The following GBE1 variants were observed in gnomAD, a reference collection of about 807,000 sequenced individuals.
GBE1 encodes 1,4-alpha-glucan-branching enzyme.
Under a neutral mutation model 88.8 loss-of-function variants are expected in GBE1, and 70 were observed. The ratio of observed to expected loss-of-function variants is 0.79; its 90% CI spans 0.65 to 0.96. The LOEUF is 0.96. Among genes scored for constraint, GBE1 ranks in the 40% least tolerant of loss-of-function variants. The pLI, the probability that GBE1 is intolerant of heterozygous loss-of-function variation, is 0.00. For synonymous variants in GBE1, 284 were observed against 300.1 expected, an observed-to-expected ratio of 0.95 and a Z score of 0.56; for missense variants, 872 against 871.0, an observed-to-expected ratio of 1.00 and a Z score of -0.01.
At chr3:81,752,264 A>G (rs1300313573) in intron 1 of GBE1, among the ~76,000 whole-genome samples, 2 of 152,200 alleles carry the variant, frequency 1.3e-5, no homozygotes, top group African/African-American at 2.4e-5. Flanking sequence ...TGCACATATC[A>G]TATGTTCAGA....
At chr3:81,611,628 C>A (rs1704184216) in intron 7 of GBE1, among the ~76,000 whole-genome samples, 1 of 152,072 alleles carries the variant, frequency 6.6e-6, no homozygotes. Context: ...TTCTGAAGAC[C>A]TTCAAGGGAA....
At chr3:81,590,036 T>A (rs1397549181) in intron 9 of GBE1, among the ~76,000 whole-genome samples, 1 of 152,038 alleles carries the variant, frequency 6.6e-6, no homozygotes, top group Non-Finnish European at 1.5e-5. Context: ...AATTTAGGGC[T>A]ACTGCTTTAT....
chr3:81,668,109 C>T (rs1447189388), intron 3 of GBE1, among the ~76,000 whole-genome samples: 1 of 152,140 alleles, frequency 6.6e-6, no homozygotes, highest in Non-Finnish European at 1.5e-5. Context: ...TCTCAGCAAA[C>T]TAACACAGGA....
chr3:81,698,779 G>C (rs1260230279), intron 2 of GBE1, among the ~76,000 whole-genome samples: 2 of 152,128 alleles, frequency 1.3e-5, no homozygotes, highest in Non-Finnish European at 2.9e-5. Context: ...GAATCAGTCA[G>C]CGGCATTTAC....
intron 12 of GBE1, among the ~76,000 whole-genome samples, chr3:81,556,294 A>G (rs1397667475): frequency 6.6e-6 from 1 of 152,100 alleles, no homozygotes. Flanking sequence ...AGCTATTCAT[A>G]GATAAATGAA....
At chr3:81,753,743 G>C (rs1343841553) in intron 1 of GBE1, among the ~76,000 whole-genome samples, 1 of 152,178 alleles carries the variant, frequency 6.6e-6, no homozygotes, top group Non-Finnish European at 1.5e-5. Flanking sequence ...AGTTAGTAAA[G>C]ATCTCAGCTG....
chr3:81,676,803 A>C (rs1470462935), intron 2 of GBE1, among the ~76,000 whole-genome samples: 2 of 152,170 alleles, frequency 1.3e-5, no homozygotes, highest in African/African-American at 4.8e-5. Context: ...ATATCTGATA[A>C]GGCATAAGAT....
intron 7 of GBE1, among the ~76,000 whole-genome samples, chr3:81,606,014 A>T (rs542091963): frequency 6.6e-6 from 1 of 152,306 alleles, no homozygotes; most frequent in East Asian, 1.9e-4. Context: ...ACTACTACAT[A>T]TATCTGCTTC....
At chr3:81,592,188 C>G (rs1181781148) in intron 8 of GBE1, among the ~76,000 whole-genome samples, 1 of 151,988 alleles carries the variant, frequency 6.6e-6, no homozygotes. Flanking sequence ...AAAGTTGGCT[C>G]TCATCAAATA....
rs770899411 is a variant in GBE1 at position 81,581,304 on chromosome 3, T to A, written c.1336-29A>T. The stretch of plus-strand genomic sequence containing the variant: ...GACACAAGAGAGAAAAATAAGCTTC[T>A]GAGTAAAGCATTATTTTTCTTATTT... On this transcript the variant is annotated intron_variant, in intron 10 of 15. Coordinates refer to ENST00000429644, the MANE Select transcript of GBE1 (RefSeq NM_000158.4). 5 of 1,198,050 alleles carry A rather than the reference T, an allele frequency of 4.2e-6. No individual in the cohort carries two copies. The South Asian group carries it at 7.2e-5, about 17-fold the overall frequency. The allele number at this position is 1,198,050 out of a possible 1,614,324, so 74.2% of individuals were successfully genotyped here.
At position 81,525,184 on chromosome 3, in the gene GBE1, GT is replaced by G. The variant is rs1216008017; in HGVS notation, c.1934+10010del. On this transcript the variant is annotated intron_variant, in intron 14 of 15. Transcript: ENST00000429644. The stretch of plus-strand genomic sequence containing the variant: ...GATTTCCTTTGTGGCCTAACATATG[GT>G]CTATTTTTAAGAATGTTCCATCAAT... Among the ~76,000 whole-genome samples the G allele has an allele frequency of 6.6e-5, 10 of 151,684 alleles. No individual in the cohort carries two copies. In the East Asian group the frequency reaches 1.9e-3, roughly 30 times the overall value.
At position 81,646,441 on chromosome 3, in the gene GBE1, A is replaced by C; in HGVS notation, c.733T>G (p.Tyr245Asp). The change falls in exon 6 of 16, where the codon TAC becomes GAC. Residue 245 changes from tyrosine to aspartate, a missense_variant. Coordinates refer to ENST00000429644, the MANE Select transcript of GBE1 (RefSeq NM_000158.4). ...ATTTGGTAACCAAAGCTGGCATAGT[A>C]AGCATGCTCCATGATTGCCATCAAC... ...IQLMAIMEHA[Y>D]YASFGYQITS... 2.5e-6 allele frequency: 4 copies of C among 1,606,122 alleles called. No homozygotes were observed. The highest frequency in any genetic ancestry group is 3.4e-6 in the Non-Finnish European group (4 of 1,176,236).
At position 81,581,166 on chromosome 3, in the gene GBE1, T is replaced by C; in HGVS notation, c.1445A>G (p.Gln482Arg). 6.3e-7 allele frequency: 1 copy of C among 1,583,058 alleles called. No homozygotes were observed. The highest frequency in any genetic ancestry group is 8.7e-7 in the Non-Finnish European group (1 of 1,154,888). The stretch of plus-strand genomic sequence containing the variant: ...GAATTTATGCACATATTCATTTACC[T>C]GATCATGGCTCTCTGCATAAGCAAT... ...KCIAYAESHD[Q>R]ALVGDKSLAF... The change falls in exon 11 of 16, where the codon CAG becomes CGG. Residue 482 changes from glutamine (Q) to arginine (R), a missense_variant and splice_region_variant. Gln to Arg is a conservative substitution (Grantham distance 43, BLOSUM62 1). Transcript: ENST00000429644.
In GBE1 at chr3:81,733,038, A is replaced by T. The variant is rs1043205583; in HGVS notation, c.144-27425T>A. Among the ~76,000 whole-genome samples the T allele has an allele frequency of 9.9e-5, 15 of 152,172 alleles. No individual in the cohort carries two copies. Among genetic ancestry groups the T allele is most frequent in the African/African-American group, 3.6e-4 (15 of 41,460 alleles). ...CATGGCCTGTTAGGAATTGTGTCGCACAGCAGGAGGTGAATGGCAAAAATA... is the reference window on the plus strand; with the variant it reads ...CATGGCCTGTTAGGAATTGTGTCGCTCAGCAGGAGGTGAATGGCAAAAATA... On this transcript the variant is annotated intron_variant, in intron 1 of 15. Transcript: ENST00000429644. The surrounding 1 kb of genome is among the most constrained non-coding windows in gnomAD (Gnocchi z 4.0).
At chr3:81,693,654 A>G (rs149936469) in intron 2 of GBE1, among the ~76,000 whole-genome samples, 248 of 152,312 alleles carry the variant, frequency 1.6e-3, no homozygotes, top group Middle Eastern at 6.8e-3. Flanking sequence ...AAGCAGGGGT[A>G]GATGAGAAAG....
At chr3:81,555,815 A>T (rs1226460454) in intron 12 of GBE1, among the ~76,000 whole-genome samples, 3 of 152,200 alleles carry the variant, frequency 2.0e-5, no homozygotes, top group Admixed American at 6.5e-5. Context: ...CTTCAGTCAG[A>T]AAAGCATAAT....
intron 7 of GBE1, among the ~76,000 whole-genome samples, chr3:81,595,983 T>G (rs1347550429): frequency 6.6e-6 from 1 of 151,952 alleles, no homozygotes; most frequent in Non-Finnish European, 1.5e-5. Flanking sequence ...TGAAATACTC[T>G]TACACATTGT....
At chr3:81,587,756 C>G (rs990948141) in intron 9 of GBE1, among the ~76,000 whole-genome samples, 4 of 152,040 alleles carry the variant, frequency 2.6e-5, no homozygotes, top group Non-Finnish European at 5.9e-5. Flanking sequence ...GAGTGAGGTG[C>G]TCTGAGGGAT....
chr3:81,581,120 G>C (rs1488449404), intron 11 of GBE1, 45 bp downstream of exon 11: 3 of 622,464 alleles, frequency 4.8e-6, no homozygotes, highest in African/African-American at 1.9e-5. Context: ...GAAGGAGGAA[G>C]AGAGAGAGAG....
Sources: allele counts gnomAD v4.1 joint callset (sites outside exome capture counted in the v4.1 genomes callset), GRCh38; gene constraint gnomAD v4.1.1; non-coding constraint Gnocchi (gnomAD v3.1); transcripts MANE v1.5; gene names NCBI Gene and HGNC (gene_info 2026-07-23, HGNC 2026-07-21).